JARID2: variants seen among roughly 807,000 people sequenced by gnomAD.
JARID2 encodes the protein protein Jumonji.
In JARID2, 21 loss-of-function variants were observed where a neutral mutation model predicts 125.6. The observed-to-expected ratio is 0.17, with a 90% CI of 0.12 to 0.24. The LOEUF (loss-of-function observed/expected upper bound fraction) is 0.24, where lower values mean the gene tolerates loss of function less well. Ranked by LOEUF, JARID2 falls within the 10% of genes least tolerant of loss-of-function variation. The pLI, the probability that JARID2 is intolerant of heterozygous loss-of-function variation, is 1.00. For missense variants in JARID2, 1,303 were observed against 1,639.6 expected (o/e 0.79, Z 3.55); for synonymous variants, 736 against 661.6 (o/e 1.11, Z -1.73).
intron 5 of JARID2, among the ~76,000 whole-genome samples, chr6:15,475,169 A>G (rs1309644983): frequency 6.6e-6 from 1 of 152,190 alleles, no homozygotes; most frequent in African/African-American, 2.4e-5. Flanking sequence ...TTATAATGGG[A>G]TTTCATTATG....
At chr6:15,510,303 G>A (rs1423769669) in intron 12 of JARID2, among the ~76,000 whole-genome samples, 1 of 152,134 alleles carries the variant, frequency 6.6e-6, no homozygotes, top group Non-Finnish European at 1.5e-5. Flanking sequence ...CAGGGGCAGG[G>A]CAGCCATCCC....
Position 15,283,549 on chromosome 6 carries a change from A to G in JARID2, c.45+36965A>G, listed in dbSNP as rs183915412. Among the ~76,000 whole-genome samples the G allele has an allele frequency of 9.0e-4, 135 of 149,532 alleles. 1 individual carries two copies. In the South Asian group the frequency reaches 0.01, roughly 12 times the overall value. On this transcript the variant is annotated intron_variant, in intron 1 of 17. Transcript: ENST00000341776. Reference sequence around the variant, plus strand: ...ATTAGAGACGGGATTTCACCGTGTTAGCCAGGACGGTCTCGATCTGCCGAC... The same window carrying G: ...ATTAGAGACGGGATTTCACCGTGTTGGCCAGGACGGTCTCGATCTGCCGAC...
At chr6:15,448,556 A>G (rs981765913) in intron 3 of JARID2, among the ~76,000 whole-genome samples, 2 of 152,236 alleles carry the variant, frequency 1.3e-5, no homozygotes, top group Admixed American at 6.5e-5. Flanking sequence ...CGTCCATTCA[A>G]ATGAAGATGT....
At chr6:15,286,625 C>A (rs1021702618) in intron 1 of JARID2, among the ~76,000 whole-genome samples, 1 of 151,730 alleles carries the variant, frequency 6.6e-6, no homozygotes, top group Admixed American at 6.6e-5. Context: ...CTTTGGGAGG[C>A]CGAGACGGGC....
At chr6:15,448,831 A>C (rs1375378815) in intron 3 of JARID2, among the ~76,000 whole-genome samples, 1 of 152,156 alleles carries the variant, frequency 6.6e-6, no homozygotes, top group Non-Finnish European at 1.5e-5. Context: ...GTGAATTGAT[A>C]CAGAAATTGA....
intron 3 of JARID2, among the ~76,000 whole-genome samples, chr6:15,421,756 C>T (rs1480504326): frequency 3.3e-5 from 5 of 152,170 alleles, no homozygotes; most frequent in Admixed American, 3.3e-4. Context: ...ACCATGTCAC[C>T]TTCCATAAGT....
At chr6:15,262,367 T>C (rs1049489314) in intron 1 of JARID2, among the ~76,000 whole-genome samples, 14 of 152,056 alleles carry the variant, frequency 9.2e-5, no homozygotes, top group African/African-American at 2.7e-4. Flanking sequence ...ATGTGGACTT[T>C]GTGTCTTGTG....
intron 1 of JARID2, among the ~76,000 whole-genome samples, chr6:15,339,111 AGTGAC>A (rs1403840237): frequency 6.6e-6 from 1 of 152,240 alleles, no homozygotes; most frequent in East Asian, 1.9e-4. Flanking sequence ...ATGGGATCCC[AGTGAC>A]GAGGTGGAAG....
At chr6:15,511,423 C>G in intron 13 of JARID2, 22 bp downstream of exon 13, 1 of 1,537,838 alleles carries the variant, frequency 6.5e-7, no homozygotes, top group Non-Finnish European at 9.0e-7. Flanking sequence ...CAGCCACCGC[C>G]TCCAGCAGGA....
At chr6:15,346,428 T>C (rs1763246668) in intron 1 of JARID2, among the ~76,000 whole-genome samples, 1 of 152,242 alleles carries the variant, frequency 6.6e-6, no homozygotes, top group African/African-American at 2.4e-5. Context: ...TATAAATGTT[T>C]GTACCCCTTT....
chr6:15,437,661 T>C (rs1767267877), intron 3 of JARID2, among the ~76,000 whole-genome samples: 1 of 152,108 alleles, frequency 6.6e-6, no homozygotes, highest in African/African-American at 2.4e-5. Flanking sequence ...ACAGATTTAG[T>C]TGAGTTCACA....
At chr6:15,461,204 A>G (rs1179576457) in intron 4 of JARID2, among the ~76,000 whole-genome samples, 1 of 152,172 alleles carries the variant, frequency 6.6e-6, no homozygotes, top group East Asian at 1.9e-4. Flanking sequence ...ACAATATAGG[A>G]AGGGTTGTAA....
chr6:15,401,172 A>ATGAGAGACT (rs1765418205), intron 2 of JARID2, among the ~76,000 whole-genome samples: 1 of 151,928 alleles, frequency 6.6e-6, no homozygotes, highest in African/African-American at 2.4e-5. Context: ...ATATATATAT[A>ATGAGAGACT]TGAGAGACTA....
intron 3 of JARID2, among the ~76,000 whole-genome samples, chr6:15,420,661 G>C (rs1430007041): frequency 1.3e-5 from 2 of 152,076 alleles, no homozygotes; most frequent in African/African-American, 4.8e-5. Flanking sequence ...CTCTGGCTGT[G>C]GGAAATGTTC....
intron 1 of JARID2, among the ~76,000 whole-genome samples, chr6:15,344,965 G>A (rs973918018): frequency 6.6e-6 from 1 of 152,074 alleles, no homozygotes; most frequent in Non-Finnish European, 1.5e-5. Flanking sequence ...AATTGAATTA[G>A]GGAAGTAAGT....
intron 1 of JARID2, among the ~76,000 whole-genome samples, chr6:15,328,406 C>G (rs141046314): frequency 1.3e-5 from 2 of 152,144 alleles, no homozygotes; most frequent in African/African-American, 4.8e-5. Context: ...GTTGCTGTTG[C>G]AGGTTGCAAG....
At chr6:15,327,476 G>T (rs962808012) in intron 1 of JARID2, among the ~76,000 whole-genome samples, 1 of 152,128 alleles carries the variant, frequency 6.6e-6, no homozygotes, top group Non-Finnish European at 1.5e-5. Flanking sequence ...TCTAGGGCAG[G>T]TATAAATGTG....
Position 15,465,498 on chromosome 6 carries a change from A to T in JARID2, c.494-3044A>T, listed in dbSNP as rs189108032. Among the ~76,000 whole-genome samples the T allele has an allele frequency of 1.2e-4, 18 of 152,290 alleles. No homozygotes were observed. In the East Asian group the frequency reaches 3.1e-3, roughly 26 times the overall value. Reference sequence around the variant, plus strand: ...GATATCAACAAAGTCTGGATGCTGAACTGAGCGTCTAGATATTTTCTCCAT... The same window carrying T: ...GATATCAACAAAGTCTGGATGCTGATCTGAGCGTCTAGATATTTTCTCCAT... On this transcript the variant is annotated intron_variant, in intron 4 of 17. Transcript: ENST00000341776.
chr6:15,329,418 T>A (rs1762634049), intron 1 of JARID2, among the ~76,000 whole-genome samples: 1 of 152,118 alleles, frequency 6.6e-6, no homozygotes, highest in African/African-American at 2.4e-5. Context: ...ACAGAAAAGT[T>A]TGAAGATTAT....
Sources: gnomAD v4.1 joint callset for allele counts (sites outside exome capture counted in the v4.1 genomes callset) on GRCh38, gnomAD v4.1.1 for gene constraint, MANE v1.5 for transcripts, NCBI Gene and HGNC (gene_info 2026-07-23, HGNC 2026-07-21) for gene names.